Variants in ZNF706 observed in about 807,000 individuals in gnomAD.
ZNF706 encodes transcriptional regulator ZNF706.
ZNF706 carries 4 observed loss-of-function variants against 9.2 expected under a neutral mutation model. The ratio of observed to expected loss-of-function variants is 0.43; its 90% CI spans 0.21 to 0.99. The LOEUF (loss-of-function observed/expected upper bound fraction) is 0.99. Among genes scored for constraint, ZNF706 ranks in the 50% least tolerant of loss-of-function variants. ZNF706 has a pLI of 0.26. For missense variants in ZNF706, 27 were observed against 87.8 expected (o/e 0.31, Z 2.77); for synonymous variants, 28 against 27.3 (o/e 1.03, Z -0.08).
rs1385159022 is a variant in ZNF706 at position 101,201,073 on chromosome 8, A to AT, written c.135+533dup. ...TTATGTGGATTAAATAGGTGAATAC[A>AT]TGTAAAACACCTGGCTCTATGTGTG... On this transcript the variant is annotated intron_variant, in intron 2 of 3. Coordinates refer to ENST00000311212, the MANE Select transcript of ZNF706 (RefSeq NM_016096.5). This position sits in a 1 kb window ranked among gnomAD's most constrained non-coding sequence, Gnocchi z 4.5. The AT allele has an allele frequency of 6.0e-6, 1 of 166,964 alleles. No individual in the cohort carries two copies. Among genetic ancestry groups the AT allele is most frequent in the African/African-American group, 2.4e-5 (1 of 41,790 alleles). 10.3% of individuals were successfully genotyped at this position (166,964 alleles called of 1,614,324 possible). A position where few individuals can be genotyped will look rare whatever the true frequency, so the allele number is the denominator to read the frequency against.
chr8:101,201,853 G>A lies in ZNF706; in HGVS notation c.-2-110C>T. 4 of 1,173,078 alleles carry A rather than the reference G, an allele frequency of 3.4e-6. No homozygotes were observed. Among genetic ancestry groups the A allele is most frequent in the South Asian group, 1.6e-5 (1 of 62,176 alleles). 72.7% of individuals were successfully genotyped at this position (1,173,078 alleles called of 1,614,324 possible). A position where few individuals can be genotyped will look rare whatever the true frequency, so the allele number is the denominator to read the frequency against. ...GCCTTAAGTTTTATAGAAATATCTG[G>A]CAAATAAAAATTTATAGGTATTAAA... On this transcript the variant is annotated intron_variant, in intron 1 of 3. Coordinates refer to ENST00000311212, the MANE Select transcript of ZNF706 (RefSeq NM_016096.5). The surrounding 1 kb of genome is among the most constrained non-coding windows in gnomAD (Gnocchi z 4.5).
intron 2 of ZNF706, chr8:101,200,710 CCAAA>C (rs1810526139): frequency 6.5e-6 from 1 of 152,918 alleles, no homozygotes; most frequent in African/African-American, 2.4e-5. Flanking sequence ...CTGCCTCTTT[CCAAA>C]CAATCACAAG....
chr8:101,203,163 G>C (rs757106933), intron 1 of ZNF706: 1 of 150,874 alleles, frequency 6.6e-6, no homozygotes, highest in Non-Finnish European at 1.5e-5. Flanking sequence ...AACCCAAATG[G>C]ATTAAAACAA....
Position 101,201,649 on chromosome 8 carries a change from A to G in ZNF706, c.93T>C (p.Ala31=), listed in dbSNP as rs1159665108. Residue 31 remains alanine (A), a synonymous_variant, in exon 2 of 4, where the codon GCT becomes GCC. Coordinates refer to ENST00000311212, the MANE Select transcript of ZNF706 (RefSeq NM_016096.5). The surrounding 1 kb of genome is among the most constrained non-coding windows in gnomAD (Gnocchi z 4.5). ...QKKKQGHDQK[A]AAKAALIYTC... ...TATATATTAAGGCAGCTTTGGCAGC[A>G]GCCTTTTGGTCATGTCCTTGTTTCT... The G allele has an allele frequency of 5.6e-6, 9 of 1,612,674 alleles. No individual in the cohort carries two copies. Among genetic ancestry groups the G allele is most frequent in the Admixed American group, 1.7e-5 (1 of 60,008 alleles).
At chr8:101,203,643 G>A (rs1320494248) in intron 1 of ZNF706, 1 of 152,158 alleles carries the variant, frequency 6.6e-6, no homozygotes, top group Non-Finnish European at 1.5e-5. Context: ...TTTCAACTGA[G>A]GAAATATGGG....
rs1340589185 is a variant in ZNF706 at position 101,197,866 on chromosome 8, T to A, written c.*1386A>T. The A allele has an allele frequency of 6.6e-6, 1 of 152,160 alleles. No individual in the cohort carries two copies. The highest frequency in any genetic ancestry group is 1.5e-5 in the Non-Finnish European group (1 of 68,008). 9.4% of individuals were successfully genotyped at this position (152,160 alleles called of 1,614,324 possible). A position where few individuals can be genotyped will look rare whatever the true frequency, so the allele number is the denominator to read the frequency against. On this transcript the variant is annotated 3_prime_UTR_variant, in exon 4 of 4. Coordinates refer to ENST00000311212, the MANE Select transcript of ZNF706 (RefSeq NM_016096.5). ...TACAGGGAAGACAAGGTGGGCAAAA[T>A]ATGCAGAGCTACAAAACAAAGCAAT...
rs975970677 is a variant in ZNF706 at position 101,205,034 on chromosome 8, C to T, written c.-3+401G>A. 77 of 756,030 alleles carry T rather than the reference C, an allele frequency of 1.0e-4. No homozygotes were observed. The highest frequency in any genetic ancestry group is 1.1e-4 in the African/African-American group (6 of 52,714). 46.8% of individuals were successfully genotyped at this position (756,030 alleles called of 1,614,324 possible). On this transcript the variant is annotated intron_variant, in intron 1 of 3. Transcript: ENST00000311212. This position sits in a 1 kb window ranked among gnomAD's most constrained non-coding sequence, Gnocchi z 6.6. ...AAACCCGCCTCTCCCGCCTCGGAGA[C>T]CCCCTCCTCCTCCCTGCCACCAAAG...
intron 1 of ZNF706, chr8:101,204,705 G>A (rs568113956): frequency 3.2e-5 from 32 of 985,478 alleles, no homozygotes; most frequent in Middle Eastern, 1.0e-3. Flanking sequence ...TGCAAAGAGG[G>A]AAGTAGTGGA....
In ZNF706 at chr8:101,204,761, A is replaced by C. The variant is rs948866555; in HGVS notation, c.-3+674T>G. The C allele has an allele frequency of 4.1e-6, 4 of 985,328 alleles. No individual in the cohort carries two copies. The African/African-American group carries it at 7.0e-5, about 17-fold the overall frequency. 61.0% of individuals were successfully genotyped at this position (985,328 alleles called of 1,614,324 possible). A position where few individuals can be genotyped will look rare whatever the true frequency, so the allele number is the denominator to read the frequency against. ...GGCGCTCTCGTAGGAGGCAACAAGT[A>C]AGCTCTGCCCCAAAGCTCCTTTTAA... On this transcript the variant is annotated intron_variant, in intron 1 of 3. Transcript: ENST00000311212.
Position 101,201,041 on chromosome 8 carries a change from A to C in ZNF706, c.135+566T>G, listed in dbSNP as rs561276067. On this transcript the variant is annotated intron_variant, in intron 2 of 3. Coordinates refer to ENST00000311212, the MANE Select transcript of ZNF706 (RefSeq NM_016096.5). The surrounding 1 kb of genome is among the most constrained non-coding windows in gnomAD (Gnocchi z 4.5). Reference sequence around the variant, plus strand: ...GAACAATAAAAGTACTTTATCTTATAGGGTTGTTATGTGGATTAAATAGGT... The same window carrying C: ...GAACAATAAAAGTACTTTATCTTATCGGGTTGTTATGTGGATTAAATAGGT... 1 of 190,824 alleles carries C rather than the reference A, an allele frequency of 5.2e-6. No homozygotes were observed. The highest frequency in any genetic ancestry group is 1.1e-5 in the Non-Finnish European group (1 of 87,250). The allele number at this position is 190,824 out of a possible 1,614,324, so 11.8% of individuals were successfully genotyped here. A position where few individuals can be genotyped will look rare whatever the true frequency, so the allele number is the denominator to read the frequency against.
chr8:101,199,859 A>C (rs989684019), intron 3 of ZNF706, 131 bp downstream of exon 3: 2 of 642,122 alleles, frequency 3.1e-6, no homozygotes, highest in African/African-American at 3.7e-5. Context: ...CTTTTCAGTT[A>C]CACATTAACT....
In ZNF706 at chr8:101,198,931, T is replaced by A. The variant is rs1810460463; in HGVS notation, c.*321A>T. 3.4e-6 allele frequency: 1 copy of A among 294,784 alleles called. No individual in the cohort carries two copies. Among genetic ancestry groups the A allele is most frequent in the Non-Finnish European group, 6.2e-6 (1 of 161,038 alleles). The allele number at this position is 294,784 out of a possible 1,614,324, so 18.3% of individuals were successfully genotyped here. ...ACAGAATTTCTAAAACCATTTATCC[T>A]GTGATGTCGTAAATCAAAGTACTAT... On this transcript the variant is annotated 3_prime_UTR_variant, in exon 4 of 4. Coordinates refer to ENST00000311212, the MANE Select transcript of ZNF706 (RefSeq NM_016096.5).
chr8:101,199,262 TCAATGAATGTTACCATTGCACAAATG>T, intron 3 of ZNF706, 23 bp from the exon 4 acceptor site: 1 of 701,356 alleles, frequency 1.4e-6, no homozygotes, highest in Non-Finnish European at 2.6e-6. Flanking sequence ...AGCAAAATTT[TCAATGAATGTTACCATTGCACAAATG>T]CAACTTACAT....
rs1315988130 is a variant in ZNF706 at position 101,201,350 on chromosome 8, T to A, written c.135+257A>T. The A allele has an allele frequency of 1.1e-5, 5 of 444,458 alleles. No homozygotes were observed. The highest frequency in any genetic ancestry group is 2.0e-5 in the Non-Finnish European group (5 of 250,444). 27.5% of individuals were successfully genotyped at this position (444,458 alleles called of 1,614,324 possible). Reference sequence around the variant, plus strand: ...TGTATTATATGCCCTTATGAAGACATCTTTATTTTATATGAGGAAAGCAAT... The same window carrying A: ...TGTATTATATGCCCTTATGAAGACAACTTTATTTTATATGAGGAAAGCAAT... On this transcript the variant is annotated intron_variant, in intron 2 of 3. Transcript: ENST00000311212. This position sits in a 1 kb window ranked among gnomAD's most constrained non-coding sequence, Gnocchi z 4.5.
At chr8:101,203,531 A>G (rs1212996492) in intron 1 of ZNF706, 1 of 152,210 alleles carries the variant, frequency 6.6e-6, no homozygotes, top group African/African-American at 2.4e-5. Context: ...AACTAAAAAA[A>G]TACACTGATT....
Position 101,202,953 on chromosome 8 carries a change from T to C in ZNF706, c.-2-1210A>G, listed in dbSNP as rs80141422. 1.8e-3 allele frequency: 272 copies of C among 152,324 alleles called. 1 individual carries two copies. Among genetic ancestry groups the C allele is most frequent in the African/African-American group, 6.3e-3 (260 of 41,572 alleles). The allele number at this position is 152,324 out of a possible 1,614,324, so 9.4% of individuals were successfully genotyped here. On this transcript the variant is annotated intron_variant, in intron 1 of 3. Transcript: ENST00000311212. ...TTTTCTTACTTAGTTTTCATAAAAC[T>C]ACTGTTATTAATTTTTTTAAAAAGT...
rs185987044 is a variant in ZNF706, at chr8:101,203,625, G to A, written c.-3+1810C>T. ...GGGTCAATGCTTTTCAGGATAGTCA[G>A]CTGACTATTTCAACTGAGGAAATAT... On this transcript the variant is annotated intron_variant, in intron 1 of 3. Coordinates refer to ENST00000311212, the MANE Select transcript of ZNF706 (RefSeq NM_016096.5). The A allele has an allele frequency of 3.3e-5, 5 of 152,266 alleles. No individual in the cohort carries two copies. The East Asian group carries it at 7.7e-4, about 23-fold the overall frequency. The allele number at this position is 152,266 out of a possible 1,614,324, so 9.4% of individuals were successfully genotyped here. A position where few individuals can be genotyped will look rare whatever the true frequency, so the allele number is the denominator to read the frequency against.
chr8:101,206,054 C>A (rs1810762896), upstream of ZNF706: 1 of 152,190 alleles, frequency 6.6e-6, no homozygotes, highest in Non-Finnish European at 1.5e-5. Context: ...TTTTCCCGCT[C>A]CTCCCAGGCT....
In ZNF706 at chr8:101,199,196, T is replaced by C. The variant is rs1386245371; in HGVS notation, c.*56A>G. On this transcript the variant is annotated 3_prime_UTR_variant, in exon 4 of 4. Coordinates refer to ENST00000311212, the MANE Select transcript of ZNF706 (RefSeq NM_016096.5). ...GAAAAGCAGCTGCAGGTATGTTACC[T>C]AAGGTCTGAGACAGTAGAAGAGTCA... 1.4e-6 allele frequency: 1 copy of C among 699,078 alleles called. No individual in the cohort carries two copies. Among genetic ancestry groups the C allele is most frequent in the Non-Finnish European group, 2.6e-6 (1 of 383,406 alleles). 43.3% of individuals were successfully genotyped at this position (699,078 alleles called of 1,614,324 possible).
Sources: gnomAD v4.1 joint callset for allele counts on GRCh38, gnomAD v4.1.1 for gene constraint, Gnocchi (gnomAD v3.1) non-coding constraint, MANE v1.5 for transcripts, NCBI Gene and HGNC (gene_info 2026-07-23, HGNC 2026-07-21) for gene names.